Variants in MOV10L1 observed in about 807,000 individuals in gnomAD.
MOV10L1 encodes Mov10 like RNA helicase 1.
MOV10L1 carries 110 observed loss-of-function variants against 143.8 expected under a neutral mutation model. That is an observed-to-expected ratio of 0.76 (90% CI 0.66 to 0.90). The LOEUF (loss-of-function observed/expected upper bound fraction) is 0.90, where lower values mean the gene tolerates loss of function less well. MOV10L1 is among the 40% of genes least tolerant of loss of function. The pLI is 0.00. For synonymous variants in MOV10L1, 593 were observed against 581.1 expected, an observed-to-expected ratio of 1.02 and a Z score of -0.29; for missense variants, 1,406 against 1,526.8, an observed-to-expected ratio of 0.92 and a Z score of 1.32.
At chr22:50,095,530 A>G (rs1015545234) in intron 2 of MOV10L1, 46 of 152,346 alleles carry the variant, frequency 3.0e-4, no homozygotes, top group African/African-American at 1.1e-3. Flanking sequence ...CAGAACCTGT[A>G]GAGATGATGT....
Position 50,160,755 on chromosome 22 carries a change from G to T in MOV10L1, c.3392G>T (p.Arg1131Ile). 1 of 1,614,140 alleles carries T rather than the reference G, an allele frequency of 6.2e-7. No individual in the cohort carries two copies. The highest frequency in any genetic ancestry group is 1.3e-5 in the African/African-American group (1 of 75,030). Reference protein sequence around the residue: ...YFLGFLSNSKRFNVAITRPKA... With the variant: ...YFLGFLSNSKIFNVAITRPKA... Reference sequence around the variant, plus strand: ...TTGGGTTTCTTGTCCAACTCAAAAAGATTTAATGTTGCAATCACCAGACCC... The same window carrying T: ...TTGGGTTTCTTGTCCAACTCAAAAATATTTAATGTTGCAATCACCAGACCC... The change falls in exon 25 of 27, where the codon AGA becomes ATA. Residue 1131 changes from arginine (R) to isoleucine (I), a missense_variant. Transcript: ENST00000262794.
intron 9 of MOV10L1, among the ~76,000 whole-genome samples, chr22:50,119,905 C>CT (rs2062290300): frequency 6.6e-6 from 1 of 152,092 alleles, no homozygotes; most frequent in South Asian, 2.1e-4. Flanking sequence ...CGACCTCACT[C>CT]TGACTTTTCG....
At chr22:50,145,331 A>G (rs1406619567) in intron 18 of MOV10L1, among the ~76,000 whole-genome samples, 1 of 152,182 alleles carries the variant, frequency 6.6e-6, no homozygotes, top group Non-Finnish European at 1.5e-5. Flanking sequence ...CCGAAGCAGG[A>G]GAATCACTTG....
At chr22:50,148,574 G>T (rs979854616) in intron 19 of MOV10L1, among the ~76,000 whole-genome samples, 2 of 152,212 alleles carry the variant, frequency 1.3e-5, no homozygotes, top group Non-Finnish European at 2.9e-5. Context: ...CCCGCCAGGA[G>T]GGCTGCTCTG....
rs1338504588 is a variant in MOV10L1 at position 50,117,066 on chromosome 22, C to CT, written c.1260-90dup. 1.0e-5 allele frequency: 12 copies of CT among 1,170,690 alleles called. No individual in the cohort carries two copies. In the South Asian group the frequency reaches 1.7e-4, roughly 16 times the overall value. The allele number at this position is 1,170,690 out of a possible 1,614,324, so 72.5% of individuals were successfully genotyped here. A position where few individuals can be genotyped will look rare whatever the true frequency, so the allele number is the denominator to read the frequency against. On this transcript the variant is annotated intron_variant, in intron 8 of 26. Coordinates refer to ENST00000262794, the MANE Select transcript of MOV10L1 (RefSeq NM_018995.3). The stretch of plus-strand genomic sequence containing the variant: ...TGAAGACTAAAGATGAGTCTTAACT[C>CT]TGTCACTTTTCTTGTATGTACAAAG...
intron 20 of MOV10L1, 96 bp downstream of exon 20, chr22:50,149,810 A>G (rs1234712628): frequency 8.6e-7 from 1 of 1,166,040 alleles, no homozygotes; most frequent in Non-Finnish European, 1.2e-6. Context: ...ACAGCTGTAC[A>G]GGGGTCAGGT....
At chr22:50,149,507 A>C in intron 19 of MOV10L1, 108 bp from the exon 20 acceptor site, 2 of 1,084,970 alleles carry the variant, frequency 1.8e-6, no homozygotes, top group South Asian at 3.0e-5. Context: ...CCCCTGGGCA[A>C]CCCTGCTGTG....
intron 3 of MOV10L1, among the ~76,000 whole-genome samples, chr22:50,104,726 T>G (rs1358721638): frequency 1.3e-5 from 2 of 152,194 alleles, no homozygotes; most frequent in Non-Finnish European, 2.9e-5. Context: ...CATATTAACA[T>G]ACTTTAATAT....
chr22:50,125,442 T>C lies in MOV10L1; in HGVS notation c.1620T>C (p.Leu540=), dbSNP rs1440726383. ...AGAAGTTTTCGACTTTGCTGTGGCT[T>C]GAGGAGATTTATGCAGAAATGGAAC... The part of the protein sequence containing the change: ...YKEKFSTLLW[L]EEIYAEMELK... Residue 540 remains leucine (L), a synonymous_variant, in exon 11 of 27, where the codon CTT becomes CTC. Transcript: ENST00000262794. 49 of 1,614,110 alleles carry C rather than the reference T, an allele frequency of 3.0e-5. No homozygotes were observed. In the Admixed American group the frequency reaches 8.2e-4, roughly 27 times the overall value.
At chr22:50,106,948 G>A (rs1159827895) in intron 3 of MOV10L1, among the ~76,000 whole-genome samples, 3 of 151,722 alleles carry the variant, frequency 2.0e-5, no homozygotes, top group Non-Finnish European at 2.9e-5. Context: ...TGATCCACCC[G>A]CCTCGGCCTC....
chr22:50,097,691 C>A (rs991466918), intron 2 of MOV10L1, among the ~76,000 whole-genome samples: 1 of 152,120 alleles, frequency 6.6e-6, no homozygotes, highest in African/African-American at 2.4e-5. Flanking sequence ...AGGTATGAAA[C>A]CTTCAATTTT....
chr22:50,115,092 G>C, intron 7 of MOV10L1, 22 bp from the exon 8 acceptor site: 3 of 1,557,346 alleles, frequency 1.9e-6, no homozygotes, highest in Non-Finnish European at 2.6e-6. Context: ...GTCAACTTTT[G>C]TATTAAAATT....
At chr22:50,105,230 A>G (rs2061839253) in intron 3 of MOV10L1, among the ~76,000 whole-genome samples, 1 of 152,160 alleles carries the variant, frequency 6.6e-6, no homozygotes, top group South Asian at 2.1e-4. Flanking sequence ...TCCAGCCCAG[A>G]TGTTTTCATA....
intron 5 of MOV10L1, among the ~76,000 whole-genome samples, chr22:50,110,646 T>C (rs2061999029): frequency 6.6e-6 from 1 of 152,096 alleles, no homozygotes; most frequent in African/African-American, 2.4e-5. Flanking sequence ...TTATTGGATT[T>C]CTGGCTGGCC....
chr22:50,118,198 T>C (rs985006224), intron 9 of MOV10L1, among the ~76,000 whole-genome samples: 3 of 152,196 alleles, frequency 2.0e-5, no homozygotes, highest in African/African-American at 7.2e-5. Flanking sequence ...GAATATCATG[T>C]GGTTGTTTAC....
chr22:50,099,595 G>T lies in MOV10L1; in HGVS notation c.435G>T (p.Val145=), dbSNP rs1292294324. ...SQTTYFSLES[V]CEGFEPCKGD... ...CCACCTACTTCTCTCTGGAGAGTGT[G>T]TGCGAAGGTATGCTCAGGGGTCTGT... Residue 145 remains valine, a synonymous_variant, in exon 3 of 27, where the codon GTG becomes GTT. Coordinates refer to ENST00000262794, the MANE Select transcript of MOV10L1 (RefSeq NM_018995.3). 1 of 1,609,312 alleles carries T rather than the reference G, an allele frequency of 6.2e-7. No homozygotes were observed.
chr22:50,143,624 G>C (rs539100814), intron 17 of MOV10L1, among the ~76,000 whole-genome samples: 8 of 152,098 alleles, frequency 5.3e-5, no homozygotes, highest in Non-Finnish European at 1.0e-4. Context: ...CATCGTAATG[G>C]GATTTGGGAA....
In MOV10L1 at chr22:50,140,353, A is replaced by G. The variant is rs374239822; in HGVS notation, c.2071-1728A>G. ...GGTTTTATGGGTATGTGCACGTCAG[A>G]CTTGTCAAGTCACACACTTTAAATA... On this transcript the variant is annotated intron_variant, in intron 15 of 26. Transcript: ENST00000262794. 1.9e-4 allele frequency among the ~76,000 whole-genome samples: 29 copies of G among 152,276 alleles called. No individual in the cohort carries two copies. In the East Asian group the frequency reaches 3.3e-3, roughly 17 times the overall value.
Position 50,158,109 on chromosome 22 carries a change from C to T in MOV10L1, c.3119C>T (p.Ala1040Val). 2.5e-6 allele frequency: 4 copies of T among 1,614,152 alleles called. No homozygotes were observed. The highest frequency in any genetic ancestry group is 3.4e-6 in the Non-Finnish European group (4 of 1,180,006). The change falls in exon 23 of 27, where the codon GCC (alanine) becomes GTC (valine). Residue 1040 changes from alanine (A) to valine (V), a missense_variant. By Grantham distance (64) the Ala-to-Val change is moderately conservative (BLOSUM62 0). This residue lies in a region of MOV10L1 where 1,233 missense variants were observed against 1,351.4 expected (regional missense o/e 0.91). Coordinates refer to ENST00000262794, the MANE Select transcript of MOV10L1 (RefSeq NM_018995.3). This position sits in a 1 kb window ranked among gnomAD's most constrained non-coding sequence, Gnocchi z 5.0. The part of the protein sequence containing the change: ...KSPSWFNPAE[A>V]VQVLRYCCLL... ...CCATCGTGGTTCAACCCGGCCGAGG[C>T]CGTCCAGGTCCTGCGCTACTGCTGC...
Sources: allele counts gnomAD v4.1 joint callset (sites outside exome capture counted in the v4.1 genomes callset), GRCh38; gene constraint gnomAD v4.1.1; regional missense constraint gnomAD v4.1.1; non-coding constraint Gnocchi (gnomAD v3.1); transcripts MANE v1.5; gene names NCBI Gene and HGNC (gene_info 2026-07-23, HGNC 2026-07-21).